Variants in APC observed in about 807,000 individuals in gnomAD.
The protein encoded by APC is adenomatous polyposis coli protein.
Under a neutral mutation model 247.0 loss-of-function variants are expected in APC, and 72 were observed. The observed-to-expected ratio is 0.29, with a 90% CI of 0.24 to 0.35. The LOEUF (loss-of-function observed/expected upper bound fraction) is 0.35, where lower values mean the gene tolerates loss of function less well. APC is among the 10% of genes least tolerant of loss of function. The pLI, the probability that APC is intolerant of heterozygous loss-of-function variation, is 1.00. For synonymous variants in APC, 1,254 were observed against 1,162.5 expected (o/e 1.08, Z -1.60); for missense variants, 3,400 against 3,360.7 (o/e 1.01, Z -0.29).
chr5:112,751,740 A>T (rs1473021307), intron 1 of APC, among the ~76,000 whole-genome samples: 1 of 151,962 alleles, frequency 6.6e-6, no homozygotes, highest in Non-Finnish European at 1.5e-5. Flanking sequence ...GTTATCTGTG[A>T]ATAATGTTCC....
chr5:112,730,352 G>A (rs1752038933), intron 1 of APC, among the ~76,000 whole-genome samples: 1 of 152,190 alleles, frequency 6.6e-6, no homozygotes, highest in Admixed American at 6.5e-5. Flanking sequence ...GCTCTGAAAG[G>A]TACCTTAGTG....
chr5:112,721,784 C>G (rs988172065), intron 1 of APC, among the ~76,000 whole-genome samples: 1 of 152,184 alleles, frequency 6.6e-6, no homozygotes, highest in Non-Finnish European at 1.5e-5. Flanking sequence ...CCAGGCTTGT[C>G]CAGTCTTTTG....
At chr5:112,725,082 C>G (rs890092364) in intron 1 of APC, among the ~76,000 whole-genome samples, 1 of 152,078 alleles carries the variant, frequency 6.6e-6, no homozygotes, top group African/African-American at 2.4e-5. Flanking sequence ...CTCCTGGATT[C>G]AAGCCATTCT....
At chr5:112,792,961 G>A (rs1436079320) in intron 7 of APC, among the ~76,000 whole-genome samples, 1 of 152,086 alleles carries the variant, frequency 6.6e-6, no homozygotes. Context: ...AGTAAAATCC[G>A]TGGAGCTGGA....
chr5:112,758,397 G>A (rs1755235872), intron 2 of APC, among the ~76,000 whole-genome samples: 2 of 152,192 alleles, frequency 1.3e-5, no homozygotes, highest in African/African-American at 4.8e-5. Flanking sequence ...GGCAATCTCG[G>A]CTTGCTGCAG....
At position 112,828,723 on chromosome 5, in the gene APC, A is replaced by G. The variant is rs983428503; in HGVS notation, c.1627-133A>G. ...CTCAGCCTCCCAAAGTGATAGGATT[A>G]CAGGCGTGAGTCACCACGGCTAGCC... On this transcript the variant is annotated intron_variant, in intron 13 of 15. Coordinates refer to ENST00000257430, the MANE Select transcript of APC (RefSeq NM_000038.6). 3.0e-5 allele frequency: 20 copies of G among 656,666 alleles called. No homozygotes were observed. In the Admixed American group the frequency reaches 4.2e-4, roughly 14 times the overall value. The allele number at this position is 656,666 out of a possible 1,614,324, so 40.7% of individuals were successfully genotyped here.
chr5:112,783,493 A>G (rs1283935801), intron 6 of APC, among the ~76,000 whole-genome samples: 2 of 152,024 alleles, frequency 1.3e-5, no homozygotes, highest in African/African-American at 4.8e-5. Flanking sequence ...CTACAAATCA[A>G]TTGAAAATGG....
In APC at chr5:112,767,321, T is replaced by G. The variant is rs1756464913; in HGVS notation, c.353T>G (p.Phe118Cys). ...GECSPVPMGSFPRRGFVNGSR... is the reference protein window; with the variant it reads ...GECSPVPMGSCPRRGFVNGSR... ...TGCAGTCCTGTTCCTATGGGTTCAT[T>G]TCCAAGAAGAGGGTTTGTAAATGGA... Residue 118 changes from phenylalanine to cysteine, a missense_variant, in exon 4 of 16, where the codon TTT (phenylalanine) becomes TGT (cysteine). Physicochemically the swap from Phe to Cys is radical, Grantham distance 205. This residue lies in a region of APC where 372 missense variants were observed against 367.6 expected (regional missense o/e 1.01). Coordinates refer to ENST00000257430, the MANE Select transcript of APC (RefSeq NM_000038.6). The G allele has an allele frequency of 6.2e-7, 1 of 1,614,142 alleles. No individual in the cohort carries two copies.
chr5:112,723,169 C>T (rs1751577216), intron 1 of APC, among the ~76,000 whole-genome samples: 1 of 151,966 alleles, frequency 6.6e-6, no homozygotes, highest in Non-Finnish European at 1.5e-5. Context: ...CTATAATAAG[C>T]ATTATAGTAG....
intron 6 of APC, among the ~76,000 whole-genome samples, chr5:112,785,338 C>CA (rs1429213609): frequency 6.6e-6 from 1 of 151,994 alleles, no homozygotes; most frequent in Non-Finnish European, 1.5e-5. Flanking sequence ...TAAGGTAACT[C>CA]AAGTTAAGAT....
intron 15 of APC, 41 bp from the exon 16 acceptor site, chr5:112,837,512 C>A (rs1473219098): frequency 6.8e-7 from 1 of 1,464,714 alleles, no homozygotes; most frequent in Non-Finnish European, 9.6e-7. Flanking sequence ...ACTGCATACA[C>A]ATTGTGACCT....
chr5:112,800,999 T>C (rs1022373118), intron 7 of APC, among the ~76,000 whole-genome samples: 1 of 152,164 alleles, frequency 6.6e-6, no homozygotes, highest in Non-Finnish European at 1.5e-5. Flanking sequence ...CTGATAGTAA[T>C]GTGAGCGCAG....
At chr5:112,738,494 T>C (rs1458776417) in intron 1 of APC, 1 of 985,676 alleles carries the variant, frequency 1.0e-6, no homozygotes, top group Non-Finnish European at 1.2e-6. Context: ...TGTTGGTTGG[T>C]GAAATACTGG....
At chr5:112,802,927 G>A (rs575272786) in intron 8 of APC, among the ~76,000 whole-genome samples, 3 of 151,882 alleles carry the variant, frequency 2.0e-5, no homozygotes, top group Admixed American at 6.6e-5. Flanking sequence ...CCAAGCCATC[G>A]TAGAAGTAAA....
intron 1 of APC, among the ~76,000 whole-genome samples, chr5:112,719,267 G>T (rs1751349194): frequency 6.6e-6 from 1 of 152,074 alleles, no homozygotes; most frequent in African/African-American, 2.4e-5. Flanking sequence ...GCCCAGGCTG[G>T]AGTACAGTGG....
Position 112,777,284 on chromosome 5 carries a change from G to GA in APC, c.531+1556dup, listed in dbSNP as rs530401769. Among the ~76,000 whole-genome samples, 131 of 148,186 alleles carry GA rather than the reference G, an allele frequency of 8.8e-4. 1 individual carries two copies. Among genetic ancestry groups the GA allele is most frequent in the Middle Eastern group, 3.4e-3 (1 of 290 alleles). On this transcript the variant is annotated intron_variant, in intron 5 of 15. Transcript: ENST00000257430. The stretch of plus-strand genomic sequence containing the variant: ...ATTTTCTTTATACACACACACACAC[G>GA]AAAAAAAAACAAGTAAGAAACCCAG...
chr5:112,818,827 G>GTT lies in APC; in HGVS notation c.934-134_934-133dup, dbSNP rs200135470. On this transcript the variant is annotated intron_variant, in intron 9 of 15. Coordinates refer to ENST00000257430, the MANE Select transcript of APC (RefSeq NM_000038.6). The stretch of plus-strand genomic sequence containing the variant: ...TACTTCATCCTGGAAAGGTTTTCCG[G>GTT]TTTTTTGTTTTTTTTTTGGCGGGGG... 4.3e-4 allele frequency: 370 copies of GTT among 867,474 alleles called. 1 individual carries two copies. The highest frequency in any genetic ancestry group is 1.2e-3 in the East Asian group (42 of 33,804). 53.7% of individuals were successfully genotyped at this position (867,474 alleles called of 1,614,324 possible). A position where few individuals can be genotyped will look rare whatever the true frequency, so the allele number is the denominator to read the frequency against.
intron 14 of APC, 103 bp from the exon 15 acceptor site, chr5:112,834,848 G>A: frequency 9.6e-7 from 1 of 1,042,406 alleles, no homozygotes. Flanking sequence ...ACGGGCAATA[G>A]GATAGATTAA....
At chr5:112,733,588 C>T (rs1413645566), upstream of APC, among the ~76,000 whole-genome samples, 1 of 152,124 alleles carries the variant, frequency 6.6e-6, no homozygotes, top group Non-Finnish European at 1.5e-5. Flanking sequence ...AACAGATTCC[C>T]CCTTAGAGCC....
Sources: gnomAD v4.1 joint callset for allele counts (sites outside exome capture counted in the v4.1 genomes callset) on GRCh38, gnomAD v4.1.1 for gene constraint, gnomAD v4.1.1 regional missense constraint, MANE v1.5 for transcripts, NCBI Gene and HGNC (gene_info 2026-07-23, HGNC 2026-07-21) for gene names.